ANKRD11: variants seen among roughly 807,000 people sequenced by gnomAD.
ANKRD11 encodes the protein ankyrin repeat domain 11.
ANKRD11 carries 17 observed loss-of-function variants against 195.7 expected under a neutral mutation model. That is an observed-to-expected ratio of 0.09 (90% CI 0.06 to 0.13). The LOEUF is 0.13. Ranked by LOEUF, ANKRD11 falls within the 10% of genes least tolerant of loss-of-function variation. ANKRD11 has a pLI of 1.00. For missense variants in ANKRD11, 3,735 were observed against 3,566.1 expected (o/e 1.05, Z -1.21); for synonymous variants, 1,953 against 1,528.1 (o/e 1.28, Z -6.49).
At chr16:89,296,521 T>G (rs544289600) in intron 4 of ANKRD11, among the ~76,000 whole-genome samples, 1 of 152,358 alleles carries the variant, frequency 6.6e-6, no homozygotes, top group South Asian at 2.1e-4. Context: ...CACTGGGTTT[T>G]TTATTTCAGT....
At chr16:89,424,460 G>A (rs1012554569) in intron 1 of ANKRD11, among the ~76,000 whole-genome samples, 7 of 151,008 alleles carry the variant, frequency 4.6e-5, no homozygotes, top group Non-Finnish European at 1.0e-4. Flanking sequence ...AAAAGAGAGA[G>A]AAAGAAAAAA....
rs200928041 is a variant in ANKRD11, at chr16:89,324,673, TC to T, written c.-59-7596del. 3.0e-3 allele frequency: 1,090 copies of T among 363,440 alleles called. 11 individuals carry two copies. Among genetic ancestry groups the T allele is most frequent in the East Asian group, 0.011 (147 of 12,998 alleles). 22.5% of individuals were successfully genotyped at this position (363,440 alleles called of 1,614,324 possible). The stretch of plus-strand genomic sequence containing the variant: ...CCATCTTTCTTCCATGCTGGATACT[TC>T]CTGCCCTCGAACATCAGACTCCAAG... On this transcript the variant is annotated intron_variant, in intron 2 of 12. Transcript: ENST00000301030.
chr16:89,407,688 G>C (rs947320563), intron 2 of ANKRD11, among the ~76,000 whole-genome samples: 17 of 150,514 alleles, frequency 1.1e-4, no homozygotes, highest in South Asian at 1.1e-3. Context: ...CACACACATA[G>C]ACACACACAG....
chr16:89,432,236 T>TACACACAC (rs59807718), intron 1 of ANKRD11, among the ~76,000 whole-genome samples: 47 of 142,944 alleles, frequency 3.3e-4, no homozygotes, highest in African/African-American at 1.1e-3. Flanking sequence ...CGTGATGCAG[T>TACACACAC]ACACACACAC....
At chr16:89,466,956 C>T (rs1597497613) in intron 1 of ANKRD11, among the ~76,000 whole-genome samples, 9 of 152,334 alleles carry the variant, frequency 5.9e-5, no homozygotes, top group Admixed American at 5.2e-4. Flanking sequence ...GTGACCACCC[C>T]TACCCTGTCA....
intron 2 of ANKRD11, chr16:89,343,754 C>T (rs1026426390): frequency 1.3e-5 from 2 of 152,334 alleles, no homozygotes; most frequent in African/African-American, 4.8e-5. Context: ...GGGTCTCCAA[C>T]TGAGCAGTCA....
At chr16:89,328,231 T>C (rs2037838435) in intron 2 of ANKRD11, among the ~76,000 whole-genome samples, 1 of 152,160 alleles carries the variant, frequency 6.6e-6, no homozygotes, top group Non-Finnish European at 1.5e-5. Flanking sequence ...AAGCTGGAAC[T>C]CTCTCGCTTG....
At chr16:89,369,474 C>G (rs2040099590) in intron 2 of ANKRD11, among the ~76,000 whole-genome samples, 1 of 152,228 alleles carries the variant, frequency 6.6e-6, no homozygotes, top group African/African-American at 2.4e-5. Flanking sequence ...GGGTGCGCCG[C>G]AACAGCACAA....
chr16:89,315,519 G>A (rs1248024169), intron 3 of ANKRD11, among the ~76,000 whole-genome samples: 3 of 151,742 alleles, frequency 2.0e-5, no homozygotes, highest in African/African-American at 4.9e-5. Flanking sequence ...CTGACTCTCC[G>A]TAGGCTTCAC....
At chr16:89,475,935 C>A (rs1466754976) in intron 1 of ANKRD11, among the ~76,000 whole-genome samples, 1 of 151,692 alleles carries the variant, frequency 6.6e-6, no homozygotes, top group Non-Finnish European at 1.5e-5. Flanking sequence ...ACCTGTAGTC[C>A]CAGCTACTTG....
chr16:89,428,195 A>AAAAAAAAAAAT lies in ANKRD11; in HGVS notation c.-144-9828_-144-9827insATTTTTTTTTT, dbSNP rs760519538. On this transcript the variant is annotated intron_variant, in intron 1 of 12. Transcript: ENST00000301030. ...TGCACTACAGCCTAGGCAGCAGAGC[A>AAAAAAAAAAAT]AGACTCCATCTCAAAAAAATAGATT... Among the ~76,000 whole-genome samples, 305 of 152,194 alleles carry AAAAAAAAAAAT rather than the reference A, an allele frequency of 2.0e-3. 1 individual carries two copies. The highest frequency in any genetic ancestry group is 3.4e-3 in the Middle Eastern group (1 of 294).
rs1350888534 is a variant in ANKRD11 at position 89,418,276 on chromosome 16, G to A, written c.-60+8C>T. ...CATAAATTGATAGAGAATGCAGTGA[G>A]TATTTACCGATTCCATAGCTGAAAG... is the stretch of plus-strand genomic sequence containing the variant. On this transcript the variant is annotated splice_region_variant and intron_variant, in intron 2 of 12. Transcript: ENST00000301030. The A allele has an allele frequency of 2.2e-6, 1 of 454,048 alleles. No homozygotes were observed. Among genetic ancestry groups the A allele is most frequent in the South Asian group, 1.6e-5 (1 of 64,468 alleles). 28.1% of individuals were successfully genotyped at this position (454,048 alleles called of 1,614,324 possible).
intron 1 of ANKRD11, among the ~76,000 whole-genome samples, chr16:89,460,685 CACGATCACACCACTG>C (rs1202078579): frequency 1.3e-5 from 2 of 151,944 alleles, no homozygotes; most frequent in African/African-American, 4.8e-5. Context: ...TATAGTGATC[CACGATCACACCACTG>C]CACTCCAGCC....
intron 2 of ANKRD11, among the ~76,000 whole-genome samples, chr16:89,381,065 G>A (rs1359250049): frequency 6.6e-6 from 1 of 152,218 alleles, no homozygotes; most frequent in African/African-American, 2.4e-5. Context: ...GCTCAGGCCT[G>A]TCATCCCAGC....
chr16:89,401,098 G>GC (rs2041665420), intron 2 of ANKRD11, among the ~76,000 whole-genome samples: 2 of 46,154 alleles, frequency 4.3e-5, no homozygotes, highest in Non-Finnish European at 1.0e-4. Flanking sequence ...CCCCCCACCC[G>GC]CCCTCCCCCT....
In ANKRD11 at chr16:89,490,444, C is replaced by G. The variant is rs1203349454; in HGVS notation, c.-344G>C. 2.8e-6 allele frequency: 1 copy of G among 360,412 alleles called. No individual in the cohort carries two copies. Among genetic ancestry groups the G allele is most frequent in the Non-Finnish European group, 5.0e-6 (1 of 200,648 alleles). The allele number at this position is 360,412 out of a possible 1,614,324, so 22.3% of individuals were successfully genotyped here. A position where few individuals can be genotyped will look rare whatever the true frequency, so the allele number is the denominator to read the frequency against. ...CCCTCGGGCGCGCCCACGGCTCGGG[C>G]GAGAGCCGCGGCTCCCGGTGCGGAC... On this transcript the variant is annotated 5_prime_UTR_variant, in exon 1 of 13. Transcript: ENST00000301030.
chr16:89,361,967 G>A (rs115349159), intron 2 of ANKRD11, among the ~76,000 whole-genome samples: 1,932 of 152,306 alleles, frequency 0.013, 34 homozygotes, highest in African/African-American at 0.044. Context: ...CTGGATGGGC[G>A]GCCAGGGGCT....
chr16:89,321,189 T>C (rs3114906), intron 2 of ANKRD11: 96,177 of 152,172 alleles, frequency 0.63, 30,662 homozygotes, highest in Middle Eastern at 0.72. Context: ...CCTCCAGGAT[T>C]AAGCCTGATG....
intron 2 of ANKRD11, among the ~76,000 whole-genome samples, chr16:89,378,673 G>A (rs114646037): frequency 0.029 from 4,436 of 152,228 alleles, 147 homozygotes; most frequent in African/African-American, 0.075. Context: ...TCTGCCTCCT[G>A]GGTTCAAGCA....
Sources: gnomAD v4.1 joint callset for allele counts (sites outside exome capture counted in the v4.1 genomes callset) on GRCh38, gnomAD v4.1.1 for gene constraint, MANE v1.5 for transcripts, NCBI Gene and HGNC (gene_info 2026-07-23, HGNC 2026-07-21) for gene names.